Variants in VPS13C observed in about 807,000 individuals in gnomAD.
The protein encoded by VPS13C is intermembrane lipid transfer protein VPS13C.
A neutral mutation model predicts 456.8 loss-of-function variants in VPS13C; 358 were observed. The observed-to-expected ratio is 0.78, with a 90% confidence interval of 0.72 to 0.86. VPS13C has a LOEUF of 0.86. Among genes scored for constraint, VPS13C ranks in the 40% least tolerant of loss-of-function variants. The probability of loss-of-function intolerance (pLI) is 0.00; values close to 1 mark genes in which losing one functional copy is unlikely to be tolerated. For missense variants in VPS13C, 4,818 were observed against 4,385.4 expected (o/e 1.10, Z -2.79); for synonymous variants, 1,578 against 1,486.7 (o/e 1.06, Z -1.41).
chr15:61,938,037 A>G (rs540963787), intron 47 of VPS13C, among the ~76,000 whole-genome samples: 1 of 152,312 alleles, frequency 6.6e-6, no homozygotes, highest in African/African-American at 2.4e-5. Context: ...TTAGGTCCCT[A>G]CCACCAGAGA....
intron 22 of VPS13C, among the ~76,000 whole-genome samples, chr15:61,980,045 G>A: frequency 6.6e-6 from 1 of 151,600 alleles, no homozygotes; most frequent in Non-Finnish European, 1.5e-5. Flanking sequence ...TTATCCAGGT[G>A]TGGGGGTGCG....
intron 6 of VPS13C, among the ~76,000 whole-genome samples, chr15:62,027,184 ACT>A (rs2047668868): frequency 6.6e-6 from 1 of 151,812 alleles, no homozygotes; most frequent in Non-Finnish European, 1.5e-5. Flanking sequence ...AAAATAAACT[ACT>A]CTCATTTCAG....
At chr15:62,046,890 G>C (rs970896289) in intron 1 of VPS13C, among the ~76,000 whole-genome samples, 1 of 152,062 alleles carries the variant, frequency 6.6e-6, no homozygotes, top group African/African-American at 2.4e-5. Flanking sequence ...CAGACAAAAA[G>C]AGATTGTACT....
At chr15:61,886,398 T>A (rs1158177111) in intron 67 of VPS13C, among the ~76,000 whole-genome samples, 2 of 152,152 alleles carry the variant, frequency 1.3e-5, no homozygotes, top group Non-Finnish European at 2.9e-5. Context: ...GATGCTTTTT[T>A]TAATAAGAAG....
chr15:62,030,387 G>C (rs1216502843), intron 5 of VPS13C, among the ~76,000 whole-genome samples: 2 of 151,996 alleles, frequency 1.3e-5, no homozygotes, highest in African/African-American at 2.4e-5. Context: ...ATTGGGGTGG[G>C]TCCCTCATAA....
chr15:62,021,429 T>C (rs1473532229), intron 8 of VPS13C, among the ~76,000 whole-genome samples: 1 of 151,946 alleles, frequency 6.6e-6, no homozygotes, highest in Non-Finnish European at 1.5e-5. Context: ...ATATCCAAAA[T>C]CTGTCAACAT....
At chr15:61,994,923 T>C (rs2046334521) in intron 16 of VPS13C, among the ~76,000 whole-genome samples, 1 of 152,156 alleles carries the variant, frequency 6.6e-6, no homozygotes, top group Non-Finnish European at 1.5e-5. Context: ...AGATAAATGA[T>C]TCTGCTGACA....
chr15:61,873,493 T>C, intron 77 of VPS13C, 84 bp from the exon 78 acceptor site: 1 of 1,332,162 alleles, frequency 7.5e-7, no homozygotes, highest in African/African-American at 1.5e-5. Context: ...TAATCTGATT[T>C]TAAAATAGGC....
intron 37 of VPS13C, 104 bp downstream of exon 37, chr15:61,958,504 C>T: frequency 1.5e-6 from 1 of 681,538 alleles, no homozygotes; most frequent in Non-Finnish European, 2.5e-6. Flanking sequence ...ATACAAACTG[C>T]AATTTGTAAA....
intron 8 of VPS13C, among the ~76,000 whole-genome samples, chr15:62,022,953 T>A (rs1017988328): frequency 5.3e-5 from 8 of 151,932 alleles, no homozygotes; most frequent in African/African-American, 1.9e-4. Context: ...TGTGTGTGAA[T>A]AATTTTGGGT....
rs578013024 is a variant in VPS13C, at chr15:61,993,631, A to AG, written c.1354-1830dup. Among the ~76,000 whole-genome samples, 146 of 152,302 alleles carry AG rather than the reference A, an allele frequency of 9.6e-4. 1 individual carries two copies. The highest frequency in any genetic ancestry group is 3.4e-3 in the African/African-American group (143 of 41,578). ...ACTGAAAATTTTACACATAATAAAG[A>AG]GAAAAAGAGATGAATTAGGAAAGCA... On this transcript the variant is annotated intron_variant, in intron 16 of 84. Coordinates refer to ENST00000644861, the MANE Select transcript of VPS13C (RefSeq NM_020821.3).
intron 1 of VPS13C, among the ~76,000 whole-genome samples, chr15:62,045,277 CT>C (rs77083938): frequency 6.6e-6 from 1 of 151,584 alleles, no homozygotes; most frequent in Non-Finnish European, 1.5e-5. Context: ...TTTGCCATTA[CT>C]TTTAATGGCA....
rs752129318 is a variant in VPS13C, at chr15:61,884,144, A to T, written c.9467T>A (p.Leu3156Gln). 12 of 1,596,432 alleles carry T rather than the reference A, an allele frequency of 7.5e-6. No individual in the cohort carries two copies. The South Asian group carries it at 1.4e-4, about 18-fold the overall frequency. Residue 3156 changes from leucine to glutamine, a missense_variant, in exon 68 of 85, where the codon CTA (leucine) becomes CAA (glutamine). Leu to Gln is a moderately radical substitution (Grantham distance 113). Transcript: ENST00000644861. ...TTGGTATACCTCAAAATTATTATCT[A>T]GCTTAATCCAGCCATGGTCTCTTGA... Reference protein sequence around the residue: ...QISRDHGWIKLDNNFEVNFDK... With the variant: ...QISRDHGWIKQDNNFEVNFDK...
intron 27 of VPS13C, 46 bp from the exon 28 acceptor site, chr15:61,969,498 A>G (rs2045481698): frequency 2.2e-6 from 3 of 1,340,172 alleles, no homozygotes; most frequent in East Asian, 5.0e-5. Context: ...AGTCTGAATC[A>G]TACTTAAAAT....
intron 18 of VPS13C, among the ~76,000 whole-genome samples, chr15:61,986,050 C>T (rs553872443): frequency 6.6e-5 from 10 of 151,670 alleles, no homozygotes; most frequent in Non-Finnish European, 1.5e-4. Context: ...CATCTCAATA[C>T]CTACAGTAAC....
chr15:62,052,507 T>C (rs1316940032), intron 1 of VPS13C, among the ~76,000 whole-genome samples: 1 of 151,338 alleles, frequency 6.6e-6, no homozygotes, highest in African/African-American at 2.4e-5. Flanking sequence ...CCGTCTCTAC[T>C]AAAAAATACA....
chr15:61,967,256 T>G (rs941241138), intron 29 of VPS13C, 112 bp downstream of exon 29: 8 of 843,782 alleles, frequency 9.5e-6, no homozygotes. Context: ...TTCCCTCTAA[T>G]TAGAAACTGT....
In VPS13C at chr15:62,014,514, T is replaced by C. The variant is rs2047159743; in HGVS notation, c.685-522A>G. The stretch of plus-strand genomic sequence containing the variant: ...AGTGAGAGTACAGTGAGCACATAGG[T>C]AAAATGAGATCCAGATCAGAGGTGG... On this transcript the variant is annotated intron_variant, in intron 9 of 84. Transcript: ENST00000644861. Among the ~76,000 whole-genome samples the C allele has an allele frequency of 3.3e-5, 5 of 152,146 alleles. No homozygotes were observed. The South Asian group carries it at 1.0e-3, about 32-fold the overall frequency.
Position 61,878,657 on chromosome 15 carries a change from C to T in VPS13C, c.10092G>A (p.Leu3364=), listed in dbSNP as rs774286624. Residue 3364 remains leucine, a synonymous_variant, in exon 74 of 85, where the codon CTG becomes CTA. Transcript: ENST00000644861. The part of the protein sequence containing the change: ...EMFAVHSVNL[L]LKSIGATLTD... ...TCAGAGTAGCACCTATGCTTTTCAA[C>T]AGCAAGTTGACAGAATGAACTGCAA... 6.2e-7 allele frequency: 1 copy of T among 1,611,702 alleles called. No individual in the cohort carries two copies. Among genetic ancestry groups the T allele is most frequent in the Non-Finnish European group, 8.5e-7 (1 of 1,178,844 alleles).
Sources: allele counts gnomAD v4.1 joint callset (sites outside exome capture counted in the v4.1 genomes callset), GRCh38; gene constraint gnomAD v4.1.1; transcripts MANE v1.5; gene names NCBI Gene and HGNC (gene_info 2026-07-23, HGNC 2026-07-21).